Variants in GNAI1 observed in about 807,000 individuals in gnomAD.
The protein encoded by GNAI1 is G protein subunit alpha i1.
A neutral mutation model predicts 38.9 loss-of-function variants in GNAI1; 11 were observed. The ratio of observed to expected loss-of-function variants is 0.28; its 90% CI spans 0.18 to 0.47. GNAI1 has a LOEUF of 0.47. Ranked by LOEUF, GNAI1 falls within the 20% of genes least tolerant of loss-of-function variation. The pLI is 0.99. For synonymous variants in GNAI1, 166 were observed against 145.1 expected, an observed-to-expected ratio of 1.14 and a Z score of -1.04; for missense variants, 317 against 436.9, an observed-to-expected ratio of 0.73 and a Z score of 2.45.
At chr7:80,135,356 C>A in intron 1 of GNAI1, 78 bp downstream of exon 1, 1 of 866,430 alleles carries the variant, frequency 1.2e-6, no homozygotes, top group Non-Finnish European at 1.6e-6. Context: ...CGTTTGGAAA[C>A]CCGGAGGGAA....
chr7:80,155,682 T>C (rs2116112831), intron 1 of GNAI1, among the ~76,000 whole-genome samples: 1 of 151,920 alleles, frequency 6.6e-6, no homozygotes, highest in African/African-American at 2.4e-5. Context: ...TAAGTAGCAA[T>C]GGCATTCCAG....
At chr7:80,197,826 G>A (rs1178981720) in intron 3 of GNAI1, among the ~76,000 whole-genome samples, 1 of 152,026 alleles carries the variant, frequency 6.6e-6, no homozygotes, top group Non-Finnish European at 1.5e-5. Flanking sequence ...TCACAAATTG[G>A]CAACAGCATG....
intron 1 of GNAI1, among the ~76,000 whole-genome samples, chr7:80,139,700 T>G (rs189355048): frequency 6.6e-6 from 1 of 152,290 alleles, no homozygotes; most frequent in Admixed American, 6.5e-5. Flanking sequence ...CCAGCCAAAT[T>G]ATGTAAACAA....
chr7:80,191,709 A>T (rs183050520), intron 3 of GNAI1, among the ~76,000 whole-genome samples: 60 of 152,282 alleles, frequency 3.9e-4, no homozygotes, highest in African/African-American at 1.2e-3. Context: ...GTATATTCAA[A>T]AGAAGTCTGA....
intron 1 of GNAI1, among the ~76,000 whole-genome samples, chr7:80,160,519 G>A (rs1301084896): frequency 6.6e-6 from 1 of 152,048 alleles, no homozygotes; most frequent in East Asian, 1.9e-4. Context: ...CAAAGTTTGG[G>A]AATTGACCAA....
At chr7:80,184,215 G>A (rs1192443777) in intron 1 of GNAI1, among the ~76,000 whole-genome samples, 1 of 152,172 alleles carries the variant, frequency 6.6e-6, no homozygotes, top group Non-Finnish European at 1.5e-5. Flanking sequence ...AAGTTTTAGA[G>A]GAGTGAAAAT....
chr7:80,199,541 G>T (rs1788642646), intron 4 of GNAI1, among the ~76,000 whole-genome samples, 159 bp downstream of exon 4: 2 of 152,066 alleles, frequency 1.3e-5, no homozygotes, highest in Non-Finnish European at 2.9e-5. Flanking sequence ...TATGTGTGTT[G>T]TGTGTGTGTA....
chr7:80,190,317 A>G (rs1231638785), intron 3 of GNAI1, among the ~76,000 whole-genome samples: 2 of 151,974 alleles, frequency 1.3e-5, no homozygotes, highest in African/African-American at 2.4e-5. Context: ...TGTTTTTTAA[A>G]CTTTTTTAAA....
chr7:80,135,223 C>T lies in GNAI1; in HGVS notation c.63C>T (p.Arg21=). Residue 21 remains arginine, a synonymous_variant, in exon 1 of 8, where the codon CGC becomes CGT. Coordinates refer to ENST00000649796, the MANE Select transcript of GNAI1 (RefSeq NM_002069.6). The part of the protein sequence containing the change: ...AAVERSKMID[R]NLREDGEKAA... ...TGGAGCGGAGTAAGATGATCGACCGCAACCTCCGTGAGGACGGCGAGAAGG... is the reference window on the plus strand; with the variant it reads ...TGGAGCGGAGTAAGATGATCGACCGTAACCTCCGTGAGGACGGCGAGAAGG... The T allele has an allele frequency of 1.9e-6, 3 of 1,554,858 alleles. No individual in the cohort carries two copies. Among genetic ancestry groups the T allele is most frequent in the South Asian group, 2.4e-5 (2 of 84,246 alleles).
At chr7:80,147,862 T>A (rs556425017) in intron 1 of GNAI1, among the ~76,000 whole-genome samples, 5 of 152,216 alleles carry the variant, frequency 3.3e-5, no homozygotes, top group Non-Finnish European at 5.9e-5. Context: ...CTGGTTCTTA[T>A]GAAACGTGTA....
intron 1 of GNAI1, among the ~76,000 whole-genome samples, chr7:80,180,898 GCT>G (rs1788282711): frequency 6.6e-6 from 1 of 152,012 alleles, no homozygotes; most frequent in Admixed American, 6.6e-5. Flanking sequence ...ATTCAGTGAT[GCT>G]CTCCTAGGTT....
intron 1 of GNAI1, among the ~76,000 whole-genome samples, chr7:80,141,221 T>C (rs1304918967): frequency 1.3e-5 from 2 of 152,190 alleles, no homozygotes; most frequent in Non-Finnish European, 2.9e-5. Flanking sequence ...CAAAGGCTCA[T>C]GTGCATCCTG....
chr7:80,141,109 C>A (rs1215395055), intron 1 of GNAI1, among the ~76,000 whole-genome samples: 2 of 152,214 alleles, frequency 1.3e-5, no homozygotes, highest in Non-Finnish European at 2.9e-5. Flanking sequence ...CTGCAAAATT[C>A]CTTTTGCCCT....
chr7:80,216,043 A>T (rs2115722907), intron 7 of GNAI1, among the ~76,000 whole-genome samples: 1 of 152,128 alleles, frequency 6.6e-6, no homozygotes, highest in Admixed American at 6.5e-5. Context: ...ATTTTGGATT[A>T]TTACTACAAA....
chr7:80,212,381 T>A (rs369214271), intron 6 of GNAI1, among the ~76,000 whole-genome samples: 32 of 152,360 alleles, frequency 2.1e-4, no homozygotes, highest in Middle Eastern at 3.4e-3. Flanking sequence ...GAAATTTAGA[T>A]GAAATGAACT....
At chr7:80,135,865 T>A in intron 1 of GNAI1, 1 of 985,208 alleles carries the variant, frequency 1.0e-6, no homozygotes, top group Non-Finnish European at 1.2e-6. Context: ...ACATTCCCCC[T>A]GCGCTGAGAA....
intron 5 of GNAI1, among the ~76,000 whole-genome samples, chr7:80,206,987 G>C (rs1788787528): frequency 6.6e-6 from 1 of 152,008 alleles, no homozygotes; most frequent in African/African-American, 2.4e-5. Context: ...AGGAGTAAGG[G>C]GGAGCTACTG....
In GNAI1 at chr7:80,218,487, G is replaced by T. The variant is rs1363370800; in HGVS notation, c.*994G>T. The T allele has an allele frequency of 2.6e-5, 4 of 151,932 alleles. No homozygotes were observed. The East Asian group carries it at 5.8e-4, about 22-fold the overall frequency. 9.4% of individuals were successfully genotyped at this position (151,932 alleles called of 1,614,324 possible). On this transcript the variant is annotated 3_prime_UTR_variant, in exon 8 of 8. Coordinates refer to ENST00000649796, the MANE Select transcript of GNAI1 (RefSeq NM_002069.6). ...ATAATGAATTTTGAGACATTGATTG[G>T]TGAGGCTTTTATTTCCCTTGAGGAG... is the stretch of plus-strand genomic sequence containing the variant.
At chr7:80,167,856 T>C (rs1042835739) in intron 1 of GNAI1, among the ~76,000 whole-genome samples, 2 of 152,118 alleles carry the variant, frequency 1.3e-5, no homozygotes, top group Non-Finnish European at 2.9e-5. Flanking sequence ...ATCAAAATCA[T>C]GCAAAAAAAG....
Sources: allele counts gnomAD v4.1 joint callset (sites outside exome capture counted in the v4.1 genomes callset), GRCh38; gene constraint gnomAD v4.1.1; transcripts MANE v1.5; gene names NCBI Gene and HGNC (gene_info 2026-07-23, HGNC 2026-07-21).